SLC9A9: variants seen among roughly 807,000 people sequenced by gnomAD.
The protein encoded by SLC9A9 is sodium/hydrogen exchanger 9.
SLC9A9 carries 62 observed loss-of-function variants against 77.8 expected under a neutral mutation model. The observed-to-expected ratio is 0.80, with a 90% CI of 0.65 to 0.98. The LOEUF is 0.98. Among genes scored for constraint, SLC9A9 ranks in the 50% least tolerant of loss-of-function variants. The pLI is 0.00. For missense variants in SLC9A9, 775 were observed against 774.9 expected, an observed-to-expected ratio of 1.00 and a Z score of 0.00; for synonymous variants, 320 against 283.5, an observed-to-expected ratio of 1.13 and a Z score of -1.29.
At chr3:143,533,259 G>A (rs1020999697) in intron 9 of SLC9A9, among the ~76,000 whole-genome samples, 4 of 152,194 alleles carry the variant, frequency 2.6e-5, no homozygotes, top group South Asian at 2.1e-4. Flanking sequence ...CTTGCTCCAG[G>A]ACATACCACA....
Position 143,452,871 on chromosome 3 carries a change from A to T in SLC9A9, c.1469+14166T>A, listed in dbSNP as rs190599180. Among the ~76,000 whole-genome samples, 386 of 152,218 alleles carry T rather than the reference A, an allele frequency of 2.5e-3. 2 individuals are homozygous for T. Among genetic ancestry groups the T allele is most frequent in the Admixed American group, 4.2e-3 (64 of 15,276 alleles). On this transcript the variant is annotated intron_variant, in intron 12 of 15. Transcript: ENST00000316549. ...TAACGGTACTTTGGTTATCTAAGAGAATGTCCTCATTCTTAGAAGATGCAT... is the reference window on the plus strand; with the variant it reads ...TAACGGTACTTTGGTTATCTAAGAGTATGTCCTCATTCTTAGAAGATGCAT...
intron 5 of SLC9A9, among the ~76,000 whole-genome samples, chr3:143,666,614 G>A (rs576625068): frequency 4.6e-5 from 7 of 152,190 alleles, no homozygotes; most frequent in African/African-American, 1.7e-4. Flanking sequence ...ATCTCCTTAA[G>A]CTGATAAGCA....
intron 8 of SLC9A9, among the ~76,000 whole-genome samples, chr3:143,559,201 T>G (rs1214615480): frequency 6.6e-6 from 1 of 152,198 alleles, no homozygotes; most frequent in Non-Finnish European, 1.5e-5. Context: ...TCTTGGGTAT[T>G]TCTTCATAGC....
chr3:143,567,065 G>T (rs925459393), intron 8 of SLC9A9, among the ~76,000 whole-genome samples: 15 of 151,912 alleles, frequency 9.9e-5, no homozygotes, highest in Non-Finnish European at 1.5e-4. Flanking sequence ...TAGAAAACAG[G>T]CCTCTGCACA....
At chr3:143,598,752 A>C (rs945175810) in intron 6 of SLC9A9, among the ~76,000 whole-genome samples, 1 of 152,128 alleles carries the variant, frequency 6.6e-6, no homozygotes. Context: ...ATCATTCTCC[A>C]CTTTCCAGTT....
intron 4 of SLC9A9, among the ~76,000 whole-genome samples, chr3:143,779,422 C>A (rs984355385): frequency 6.6e-6 from 1 of 151,946 alleles, no homozygotes; most frequent in Non-Finnish European, 1.5e-5. Flanking sequence ...CCCAGGCTGG[C>A]GTGAAGTGGC....
chr3:143,283,425 C>G (rs1033728485), intron 14 of SLC9A9, among the ~76,000 whole-genome samples: 4 of 152,134 alleles, frequency 2.6e-5, no homozygotes, highest in African/African-American at 9.7e-5. Context: ...CAATCTCACT[C>G]CCCCTGGAAA....
At chr3:143,505,234 C>CAAAAAG (rs899489676) in intron 9 of SLC9A9, among the ~76,000 whole-genome samples, 10 of 152,226 alleles carry the variant, frequency 6.6e-5, no homozygotes, top group African/African-American at 2.4e-4. Context: ...TCCCTGCCCC[C>CAAAAAG]AAAAAGCAAA....
At chr3:143,318,400 C>T (rs550261892) in intron 14 of SLC9A9, among the ~76,000 whole-genome samples, 16 of 152,212 alleles carry the variant, frequency 1.1e-4, no homozygotes, top group South Asian at 1.0e-3. Flanking sequence ...ATCCAATTAA[C>T]CCTGTGAAAT....
In SLC9A9 at chr3:143,737,487, CA is replaced by C. The variant is rs147108833; in HGVS notation, c.534-44181del. 1.2e-3 allele frequency among the ~76,000 whole-genome samples: 179 copies of C among 143,500 alleles called. No homozygotes were observed. In the South Asian group the frequency reaches 0.016, roughly 13 times the overall value. The allele number at this position is 143,500 out of a possible 152,430, so 94.1% of individuals were successfully genotyped here. A position where few individuals can be genotyped will look rare whatever the true frequency, so the allele number is the denominator to read the frequency against. ...ATGTAATGAGAGTTAAAAAAAAAAC[CA>C]AAAAAAAAACCCACAAAACTCTCAC... On this transcript the variant is annotated intron_variant, in intron 4 of 15. Coordinates refer to ENST00000316549, the MANE Select transcript of SLC9A9 (RefSeq NM_173653.4).
chr3:143,763,917 G>T (rs2007219422), intron 4 of SLC9A9, among the ~76,000 whole-genome samples: 1 of 151,908 alleles, frequency 6.6e-6, no homozygotes, highest in Non-Finnish European at 1.5e-5. Context: ...AGTGTGTGTT[G>T]CTTCTTTTTA....
At chr3:143,562,027 C>G (rs1311576980) in intron 8 of SLC9A9, among the ~76,000 whole-genome samples, 2 of 152,172 alleles carry the variant, frequency 1.3e-5, no homozygotes, top group African/African-American at 4.8e-5. Context: ...CACAATTAAG[C>G]TACCAGACTT....
intron 12 of SLC9A9, among the ~76,000 whole-genome samples, chr3:143,394,469 A>G (rs1048886983): frequency 1.3e-5 from 2 of 152,226 alleles, no homozygotes; most frequent in African/African-American, 4.8e-5. Context: ...AATAAGAGCT[A>G]TCTATGACAA....
chr3:143,266,779 T>C lies in SLC9A9; in HGVS notation c.1861A>G (p.Ile621Val). 3 of 1,614,212 alleles carry C rather than the reference T, an allele frequency of 1.9e-6. No homozygotes were observed. The highest frequency in any genetic ancestry group is 2.5e-6 in the Non-Finnish European group (3 of 1,180,024). The change falls in exon 16 of 16, where the codon ATT (isoleucine) becomes GTT (valine). Residue 621 changes from isoleucine to valine, a missense_variant. Transcript: ENST00000316549. ...CCCAGGCCGAGGTCTCCCTCATAAA[T>C]GTTTTCCTTGCCTGGCGTCTGGGGT... ...ASPQTPGKEN[I>V]YEGDLGLGGY... is the part of the protein sequence containing the mutation.
Position 143,305,133 on chromosome 3 carries a change from T to C in SLC9A9, c.1605-36153A>G, listed in dbSNP as rs137977701. Among the ~76,000 whole-genome samples the C allele has an allele frequency of 3.9e-3, 589 of 152,302 alleles. 4 individuals carry two copies. Among genetic ancestry groups the C allele is most frequent in the African/African-American group, 0.013 (547 of 41,554 alleles). On this transcript the variant is annotated intron_variant, in intron 14 of 15. Transcript: ENST00000316549. ...ATATCAATATCTGTTTGCTCAAGAA[T>C]CTTAAATGCCAACTGATATGGGGCA...
intron 11 of SLC9A9, among the ~76,000 whole-genome samples, chr3:143,473,162 G>A (rs564293744): frequency 1.3e-5 from 2 of 152,248 alleles, no homozygotes; most frequent in East Asian, 1.9e-4. Flanking sequence ...GCACCACCTT[G>A]GCCTAAGACC....
Position 143,419,314 on chromosome 3 carries a change from A to G in SLC9A9, c.1470-37200T>C, listed in dbSNP as rs370053901. 3.2e-4 allele frequency among the ~76,000 whole-genome samples: 48 copies of G among 152,294 alleles called. No individual in the cohort carries two copies. In the South Asian group the frequency reaches 9.3e-3, roughly 30 times the overall value. On this transcript the variant is annotated intron_variant, in intron 12 of 15. Transcript: ENST00000316549. ...CCCATTTTGCAGGGGGGGCACAGAG[A>G]GCTTAAGTAACTTGCAAGAGGTCAC... is the stretch of plus-strand genomic sequence containing the variant.
intron 11 of SLC9A9, among the ~76,000 whole-genome samples, chr3:143,467,391 C>A (rs959558276): frequency 1.3e-5 from 2 of 152,132 alleles, no homozygotes; most frequent in African/African-American, 4.8e-5. Context: ...TCAATGATAT[C>A]ATGCAAAACT....
chr3:143,372,714 C>T (rs182057297), intron 13 of SLC9A9, among the ~76,000 whole-genome samples: 4 of 152,204 alleles, frequency 2.6e-5, no homozygotes, highest in South Asian at 2.1e-4. Context: ...ATGCATCTGA[C>T]GAGAAACTAG....
Sources: gnomAD v4.1 joint callset for allele counts (sites outside exome capture counted in the v4.1 genomes callset) on GRCh38, gnomAD v4.1.1 for gene constraint, MANE v1.5 for transcripts, NCBI Gene and HGNC (gene_info 2026-07-23, HGNC 2026-07-21) for gene names.